Variants in KIAA1328 observed in about 807,000 individuals in gnomAD.
The protein encoded by KIAA1328 is KIAA1328, also known as protein hinderin.
A neutral mutation model predicts 68.1 loss-of-function variants in KIAA1328; 52 were observed. The ratio of observed to expected loss-of-function variants is 0.76; its 90% CI spans 0.61 to 0.96. The LOEUF (loss-of-function observed/expected upper bound fraction) is 0.96. Among genes scored for constraint, KIAA1328 ranks in the 40% least tolerant of loss-of-function variants. The probability of loss-of-function intolerance (pLI) is 0.00; values close to 1 mark genes in which losing one functional copy is unlikely to be tolerated. For synonymous variants in KIAA1328, 232 were observed against 239.4 expected (o/e 0.97, Z 0.28); for missense variants, 641 against 677.6 (o/e 0.95, Z 0.60).
Position 36,913,517 on chromosome 18 carries a change from CACACACTT to C in KIAA1328, c.448+27847_448+27854del, listed in dbSNP as rs2049548441. On this transcript the variant is annotated intron_variant, in intron 5 of 9. Coordinates refer to ENST00000280020, the MANE Select transcript of KIAA1328 (RefSeq NM_020776.3). ...ACACACACACACACACACACACACA[CACACACTT>C]AGAGGAAAGCAACTGCCTACACACA... Among the ~76,000 whole-genome samples the C allele has an allele frequency of 6.0e-5, 7 of 116,922 alleles. No individual in the cohort carries two copies. The South Asian group carries it at 1.6e-3, about 26-fold the overall frequency. The allele number at this position is 116,922 out of a possible 152,430, so 76.7% of individuals were successfully genotyped here. A position where few individuals can be genotyped will look rare whatever the true frequency, so the allele number is the denominator to read the frequency against.
At chr18:37,185,982 A>G (rs2059789779) in intron 9 of KIAA1328, among the ~76,000 whole-genome samples, 1 of 151,446 alleles carries the variant, frequency 6.6e-6, no homozygotes, top group African/African-American at 2.4e-5. Context: ...TCTTGATACT[A>G]TTAGGCACAA....
At chr18:36,911,570 T>G (rs965946790) in intron 5 of KIAA1328, among the ~76,000 whole-genome samples, 10 of 152,290 alleles carry the variant, frequency 6.6e-5, no homozygotes, top group Admixed American at 1.3e-4. Flanking sequence ...CTACTTTACT[T>G]TCTTACAGAG....
At chr18:36,985,756 C>T (rs1224129811) in intron 6 of KIAA1328, among the ~76,000 whole-genome samples, 2 of 151,972 alleles carry the variant, frequency 1.3e-5, no homozygotes, top group Non-Finnish European at 2.9e-5. Flanking sequence ...ACTATTAAAC[C>T]CTCCAAAGAA....
rs1370717942 is a variant in KIAA1328, at chr18:37,061,224, G to A, written c.577-5666G>A. On this transcript the variant is annotated intron_variant, in intron 6 of 9. Transcript: ENST00000280020. Reference sequence around the variant, plus strand: ...AATTATGTTGAGCTAGAAAAACCAGGCACAAAAGAGTGACATACTCTATGA... The same window carrying A: ...AATTATGTTGAGCTAGAAAAACCAGACACAAAAGAGTGACATACTCTATGA... 5.3e-5 allele frequency among the ~76,000 whole-genome samples: 8 copies of A among 152,296 alleles called. No individual in the cohort carries two copies. In the South Asian group the frequency reaches 1.0e-3, roughly 20 times the overall value.
At chr18:36,865,006 G>T (rs2047698596) in intron 4 of KIAA1328, among the ~76,000 whole-genome samples, 1 of 147,592 alleles carries the variant, frequency 6.8e-6, no homozygotes, top group African/African-American at 2.5e-5. Flanking sequence ...TTTTTATTTT[G>T]TTGATTTTTC....
chr18:37,184,655 C>T (rs1599537398), intron 9 of KIAA1328, among the ~76,000 whole-genome samples: 2 of 152,256 alleles, frequency 1.3e-5, no homozygotes, highest in Admixed American at 6.5e-5. Flanking sequence ...TGAAAAAGTC[C>T]CTTCACATGG....
At chr18:37,066,784 A>G (rs1034309729) in intron 6 of KIAA1328, 106 bp from the exon 7 acceptor site, 4 of 1,067,172 alleles carry the variant, frequency 3.7e-6, no homozygotes, top group Non-Finnish European at 5.3e-6. Context: ...AGACAAAACA[A>G]CAGCTTTGGC....
intron 6 of KIAA1328, among the ~76,000 whole-genome samples, chr18:36,968,304 G>A (rs8094728): frequency 0.73 from 111,378 of 152,042 alleles, 43,938 homozygotes; most frequent in South Asian, 0.89. Context: ...AAATACCCCA[G>A]TGAAAAGGCA....
intron 9 of KIAA1328, among the ~76,000 whole-genome samples, chr18:37,221,810 G>A (rs2154226065): frequency 6.6e-6 from 1 of 152,266 alleles, no homozygotes; most frequent in Middle Eastern, 3.4e-3. Flanking sequence ...GTCAGCAAAA[G>A]AGAAGAGCTT....
intron 7 of KIAA1328, among the ~76,000 whole-genome samples, chr18:37,146,675 A>G (rs2058910478): frequency 1.3e-5 from 2 of 152,104 alleles, no homozygotes; most frequent in African/African-American, 2.4e-5. Context: ...CTTATTAGCT[A>G]TGTGGCGTTG....
intron 5 of KIAA1328, among the ~76,000 whole-genome samples, chr18:36,911,404 G>A (rs924393431): frequency 6.6e-6 from 1 of 152,040 alleles, no homozygotes; most frequent in African/African-American, 2.4e-5. Flanking sequence ...TTAGCTTTCC[G>A]AGGCAGGAGA....
downstream of KIAA1328, among the ~76,000 whole-genome samples, chr18:37,228,616 C>G (rs2060651182): frequency 6.6e-6 from 1 of 152,078 alleles, no homozygotes; most frequent in Admixed American, 6.5e-5. Context: ...GTCAGGAGTT[C>G]AAGACCAGCC....
chr18:36,869,363 A>C (rs968491865), intron 4 of KIAA1328, among the ~76,000 whole-genome samples: 1 of 152,202 alleles, frequency 6.6e-6, no homozygotes, highest in Non-Finnish European at 1.5e-5. Flanking sequence ...CGTTTTCTAT[A>C]GCATTTTTTT....
intron 5 of KIAA1328, among the ~76,000 whole-genome samples, chr18:36,951,557 T>C (rs1030951770): frequency 5.9e-5 from 9 of 152,122 alleles, no homozygotes; most frequent in Admixed American, 3.9e-4. Context: ...AGTGATTAAC[T>C]CCCAAATGTC....
intron 6 of KIAA1328, among the ~76,000 whole-genome samples, chr18:37,028,701 A>G (rs777490117): frequency 2.0e-5 from 3 of 152,100 alleles, no homozygotes; most frequent in Non-Finnish European, 1.5e-5. Context: ...GTGTTCCTTC[A>G]ATGCCTAGTT....
At chr18:37,142,396 C>T (rs1599408920) in intron 7 of KIAA1328, among the ~76,000 whole-genome samples, 2 of 151,842 alleles carry the variant, frequency 1.3e-5, no homozygotes, top group Admixed American at 1.3e-4. Flanking sequence ...TTCACTAGGT[C>T]GGCCAGGCTG....
At chr18:37,067,613 T>TAC (rs1436126931) in intron 7 of KIAA1328, 68 bp downstream of exon 7, 1 of 1,410,176 alleles carries the variant, frequency 7.1e-7, no homozygotes. Flanking sequence ...CAGGCTGGAG[T>TAC]GTAGTGGCAC....
chr18:37,099,682 G>T (rs1026560612), intron 7 of KIAA1328, among the ~76,000 whole-genome samples: 14 of 152,150 alleles, frequency 9.2e-5, no homozygotes, highest in African/African-American at 3.4e-4. Flanking sequence ...GGTTGTTAAA[G>T]TCTCCCATTA....
chr18:36,835,283 A>T lies in KIAA1328; in HGVS notation c.144A>T (p.Pro48=). 6.2e-7 allele frequency: 1 copy of T among 1,613,746 alleles called. No individual in the cohort carries two copies. ...GATCAAGACACAAGCTGATGAGTCC[A>T]AAAGCTGATGTTAAACTTAAGACTT... is the stretch of plus-strand genomic sequence containing the variant. ...NVRSRHKLMS[P]KADVKLKTSR... The change falls in exon 3 of 10, where the codon CCA becomes CCT. Residue 48 remains proline (P), a synonymous_variant. Coordinates refer to ENST00000280020, the MANE Select transcript of KIAA1328 (RefSeq NM_020776.3).
Sources: gnomAD v4.1 joint callset for allele counts (sites outside exome capture counted in the v4.1 genomes callset) on GRCh38, gnomAD v4.1.1 for gene constraint, MANE v1.5 for transcripts, NCBI Gene and HGNC (gene_info 2026-07-23, HGNC 2026-07-21) for gene names.